GALNTL6: variants seen among roughly 807,000 people sequenced by gnomAD.
The protein encoded by GALNTL6 is polypeptide N-acetylgalactosaminyltransferase like 6.
GALNTL6 carries 46 observed loss-of-function variants against 73.7 expected under a neutral mutation model. The ratio of observed to expected loss-of-function variants is 0.62; its 90% CI spans 0.49 to 0.80. The LOEUF (loss-of-function observed/expected upper bound fraction) is 0.80, where lower values mean the gene tolerates loss of function less well. Ranked by LOEUF, GALNTL6 falls within the 30% of genes least tolerant of loss-of-function variation. GALNTL6 has a pLI of 0.00. For missense variants in GALNTL6, 604 were observed against 755.0 expected (o/e 0.80, Z 2.34); for synonymous variants, 259 against 263.7 (o/e 0.98, Z 0.17).
intron 5 of GALNTL6, among the ~76,000 whole-genome samples, chr4:172,694,320 G>T (rs1298858884): frequency 6.6e-6 from 1 of 151,912 alleles, no homozygotes; most frequent in Non-Finnish European, 1.5e-5. Flanking sequence ...ACAGGCCCCA[G>T]TGTATGATGT....
At chr4:172,837,091 C>G (rs977622696) in intron 7 of GALNTL6, among the ~76,000 whole-genome samples, 6 of 152,160 alleles carry the variant, frequency 3.9e-5, no homozygotes, top group Admixed American at 3.3e-4. Flanking sequence ...TCTCAGTTAT[C>G]TATGTGCCAA....
At chr4:172,175,015 T>A (rs1560954034) in intron 2 of GALNTL6, among the ~76,000 whole-genome samples, 1 of 152,122 alleles carries the variant, frequency 6.6e-6, no homozygotes, top group Non-Finnish European at 1.5e-5. Context: ...ATGCACTGCA[T>A]ATACCCTAAG....
intron 5 of GALNTL6, among the ~76,000 whole-genome samples, chr4:172,728,941 G>A (rs1420545184): frequency 3.3e-5 from 5 of 152,010 alleles, no homozygotes; most frequent in African/African-American, 9.7e-5. Context: ...ATCTCATTGT[G>A]GTTTTGATTT....
chr4:172,361,514 C>A (rs1742368999), intron 5 of GALNTL6, among the ~76,000 whole-genome samples: 3 of 152,108 alleles, frequency 2.0e-5, no homozygotes, highest in African/African-American at 7.2e-5. Flanking sequence ...CTCTTACTTT[C>A]CAAGGTTTGA....
At chr4:172,703,866 C>G in intron 5 of GALNTL6, among the ~76,000 whole-genome samples, 1 of 151,926 alleles carries the variant, frequency 6.6e-6, no homozygotes, top group South Asian at 2.1e-4. Flanking sequence ...ATGATTCAAC[C>G]TCTTTATCCA....
At chr4:172,129,689 A>G (rs75861910) in intron 2 of GALNTL6, among the ~76,000 whole-genome samples, 10,233 of 152,268 alleles carry the variant, frequency 0.067, 351 homozygotes, top group South Asian at 0.13. Flanking sequence ...AGTAAATTTG[A>G]CAGAAGAGAC....
intron 2 of GALNTL6, among the ~76,000 whole-genome samples, chr4:172,089,548 A>G (rs1335319709): frequency 6.6e-6 from 1 of 152,176 alleles, no homozygotes; most frequent in African/African-American, 2.4e-5. Context: ...TTGGAGATTC[A>G]TAGCCCAATA....
At chr4:172,410,471 G>A (rs764758646) in intron 5 of GALNTL6, among the ~76,000 whole-genome samples, 1 of 152,062 alleles carries the variant, frequency 6.6e-6, no homozygotes, top group Non-Finnish European at 1.5e-5. Flanking sequence ...TGTGAGGCAA[G>A]CACTGCCATA....
chr4:172,389,102 A>T (rs769378525), intron 5 of GALNTL6, among the ~76,000 whole-genome samples: 1 of 151,992 alleles, frequency 6.6e-6, no homozygotes, highest in Non-Finnish European at 1.5e-5. Context: ...TATGACCTAC[A>T]TTTTAGTTTG....
intron 5 of GALNTL6, among the ~76,000 whole-genome samples, chr4:172,772,823 A>G (rs1467591463): frequency 6.6e-6 from 1 of 152,190 alleles, no homozygotes; most frequent in Non-Finnish European, 1.5e-5. Context: ...AGGATTTTAA[A>G]TGGGAGTATT....
chr4:172,915,470 G>A (rs1341169089), intron 8 of GALNTL6, among the ~76,000 whole-genome samples: 2 of 152,154 alleles, frequency 1.3e-5, no homozygotes, highest in South Asian at 2.1e-4. Flanking sequence ...CTGGTTTTTC[G>A]AAAAGATCAA....
At chr4:171,856,265 G>A (rs944673469) in intron 2 of GALNTL6, among the ~76,000 whole-genome samples, 1 of 124,278 alleles carries the variant, frequency 8.0e-6, no homozygotes, top group African/African-American at 2.8e-5. Context: ...ACCACACCCG[G>A]CTACTTTTTG....
At chr4:172,744,466 A>G (rs559029370) in intron 5 of GALNTL6, among the ~76,000 whole-genome samples, 9 of 152,230 alleles carry the variant, frequency 5.9e-5, no homozygotes, top group Non-Finnish European at 8.8e-5. Flanking sequence ...ATGTCTGTGT[A>G]CTGATGTAGG....
At chr4:172,964,450 T>C (rs1322327171) in intron 10 of GALNTL6, among the ~76,000 whole-genome samples, 1 of 152,220 alleles carries the variant, frequency 6.6e-6, no homozygotes, top group African/African-American at 2.4e-5. Context: ...GGTACATCCA[T>C]TTGTCACCTT....
At chr4:171,932,439 C>CAGCT (rs1387183462) in intron 2 of GALNTL6, among the ~76,000 whole-genome samples, 7 of 152,286 alleles carry the variant, frequency 4.6e-5, no homozygotes, top group African/African-American at 1.7e-4. Flanking sequence ...CAACTGTGAA[C>CAGCT]AGCTGCACAG....
chr4:172,209,809 T>C (rs1375655351), intron 2 of GALNTL6, among the ~76,000 whole-genome samples: 1 of 152,116 alleles, frequency 6.6e-6, no homozygotes, highest in Non-Finnish European at 1.5e-5. Context: ...TTCATTTTGC[T>C]GAATAGATTT....
chr4:171,910,146 C>A (rs575133899), intron 2 of GALNTL6, among the ~76,000 whole-genome samples: 1 of 152,174 alleles, frequency 6.6e-6, no homozygotes, highest in African/African-American at 2.4e-5. Context: ...TACTGCTTTG[C>A]TCCAACCAAA....
chr4:172,800,984 G>A (rs1740609167), intron 5 of GALNTL6, among the ~76,000 whole-genome samples: 2 of 151,640 alleles, frequency 1.3e-5, no homozygotes, highest in South Asian at 2.1e-4. Context: ...ATTTAATCTC[G>A]GAAGATCTTT....
intron 2 of GALNTL6, among the ~76,000 whole-genome samples, chr4:172,174,925 C>T (rs1455427221): frequency 1.3e-5 from 2 of 152,048 alleles, no homozygotes; most frequent in African/African-American, 2.4e-5. Context: ...TATTTAGATT[C>T]AATAGTTGGT....
Sources: allele counts gnomAD v4.1 joint callset (sites outside exome capture counted in the v4.1 genomes callset), GRCh38; gene constraint gnomAD v4.1.1; transcripts MANE v1.5; gene names NCBI Gene and HGNC (gene_info 2026-07-23, HGNC 2026-07-21).